NIBAN3: variants seen among roughly 807,000 people sequenced by gnomAD.
The protein encoded by NIBAN3 is niban apoptosis regulator 3.
NIBAN3 carries 66 observed loss-of-function variants against 76.4 expected under a neutral mutation model. The observed-to-expected ratio is 0.86, with a 90% CI of 0.71 to 1.06. The LOEUF is 1.06. Among genes scored for constraint, NIBAN3 ranks in the 50% least tolerant of loss-of-function variants. NIBAN3 has a pLI of 0.00. For missense variants in NIBAN3, 808 were observed against 810.7 expected (o/e 1.00, Z 0.04); for synonymous variants, 360 against 355.2 (o/e 1.01, Z -0.15).
chr19:17,548,593 A>G (rs2144778514), intron 13 of NIBAN3, among the ~76,000 whole-genome samples: 1 of 152,206 alleles, frequency 6.6e-6, no homozygotes, highest in South Asian at 2.1e-4. Context: ...AATCTCAAAG[A>G]GCCCTCATTT....
intron 12 of NIBAN3, among the ~76,000 whole-genome samples, chr19:17,544,866 T>C (rs2076020523): frequency 6.6e-6 from 1 of 152,096 alleles, no homozygotes; most frequent in African/African-American, 2.4e-5. Context: ...GCCTAATTAA[T>C]CCCATGAATC....
chr19:17,549,784 G>A (rs1300139653), intron 14 of NIBAN3: 1 of 555,350 alleles, frequency 1.8e-6, no homozygotes, highest in Non-Finnish European at 3.2e-6. Flanking sequence ...GGGGGGCTGA[G>A]ATTGTGGTGA....
intron 2 of NIBAN3, among the ~76,000 whole-genome samples, chr19:17,531,814 G>A (rs1008851289): frequency 3.3e-5 from 5 of 152,164 alleles, no homozygotes; most frequent in Admixed American, 6.6e-5. Context: ...GATTACAAGC[G>A]TGAGCGCCTG....
chr19:17,553,700 C>T, downstream of NIBAN3: 1 of 751,410 alleles, frequency 1.3e-6, no homozygotes, highest in East Asian at 2.5e-5. Context: ...AATTCTGGAA[C>T]AATTGCAGCT....
chr19:17,523,720 C>T (rs2075579092), upstream of NIBAN3, among the ~76,000 whole-genome samples: 1 of 152,156 alleles, frequency 6.6e-6, no homozygotes, highest in Non-Finnish European at 1.5e-5. Flanking sequence ...GCCCCTTTCA[C>T]CTCTCCCTCT....
At chr19:17,535,564 A>G (rs1437581326) in intron 4 of NIBAN3, among the ~76,000 whole-genome samples, 1 of 152,194 alleles carries the variant, frequency 6.6e-6, no homozygotes, top group Non-Finnish European at 1.5e-5. Flanking sequence ...CCTGGCCAAC[A>G]TGGCGAAACC....
chr19:17,550,944 G>C (rs2076145229), intron 14 of NIBAN3, among the ~76,000 whole-genome samples: 1 of 142,804 alleles, frequency 7.0e-6, no homozygotes, highest in African/African-American at 2.6e-5. Context: ...CATTTCAACA[G>C]AGGGCTGTCC....
At chr19:17,536,431 C>T (rs145241787) in intron 4 of NIBAN3, among the ~76,000 whole-genome samples, 6 of 152,182 alleles carry the variant, frequency 3.9e-5, no homozygotes, top group East Asian at 1.9e-4. Context: ...TCACGTGATC[C>T]GCCTGCCTCA....
chr19:17,533,945 A>AAAACAAAC (rs370655406), intron 4 of NIBAN3, among the ~76,000 whole-genome samples: 1 of 152,080 alleles, frequency 6.6e-6, no homozygotes, highest in African/African-American at 2.4e-5. Flanking sequence ...CCTACTCTGG[A>AAAACAAAC]AAACAAACAA....
Position 17,534,619 on chromosome 19 carries a change from A to G in NIBAN3, c.427+918A>G, listed in dbSNP as rs371509074. 1.2e-4 allele frequency among the ~76,000 whole-genome samples: 19 copies of G among 152,200 alleles called. No homozygotes were observed. The South Asian group carries it at 1.9e-3, about 15-fold the overall frequency. ...ATCCTGGCTAACATGGTGAAACCCC[A>G]TCTCTACTAAAAATACAAAAAATTA... On this transcript the variant is annotated intron_variant, in intron 4 of 14. Transcript: ENST00000599164.
chr19:17,546,797 G>A lies in NIBAN3; in HGVS notation c.1666G>A (p.Glu556Lys). The A allele has an allele frequency of 6.3e-7, 1 of 1,590,414 alleles. No homozygotes were observed. The highest frequency in any genetic ancestry group is 8.6e-7 in the Non-Finnish European group (1 of 1,169,374). ...GTGCTTGCTGCAGAGGATTGACCAAGGTGAGTCCCGCCCTGCCATGGCTCA... is the reference window on the plus strand; with the variant it reads ...GTGCTTGCTGCAGAGGATTGACCAAAGTGAGTCCCGCCCTGCCATGGCTCA... ...RGCLLQRIDQ[E>K]LKKTLGANDV... The change falls in exon 13 of 15, where the codon GAA becomes AAA. Residue 556 changes from glutamate (E) to lysine (K), a missense_variant and splice_region_variant. Transcript: ENST00000599164.
intron 12 of NIBAN3, 92 bp from the exon 13 acceptor site, chr19:17,546,594 A>T (rs2076059065): frequency 1.5e-6 from 2 of 1,321,342 alleles, no homozygotes; most frequent in Non-Finnish European, 9.7e-7. Context: ...CCCCACAGCT[A>T]ATCAGGCCCA....
Position 17,553,150 on chromosome 19 carries a change from G to T in NIBAN3, c.*1252G>T. 5.2e-6 allele frequency: 5 copies of T among 959,504 alleles called. No homozygotes were observed. Among genetic ancestry groups the T allele is most frequent in the South Asian group, 2.0e-5 (1 of 49,652 alleles). The allele number at this position is 959,504 out of a possible 1,614,324, so 59.4% of individuals were successfully genotyped here. A position where few individuals can be genotyped will look rare whatever the true frequency, so the allele number is the denominator to read the frequency against. ...TTTTTTTTTTTAATTTCAGTGAATTGCCTGTTCATAGCTTTTTTCTACTTT... is the reference window on the plus strand; with the variant it reads ...TTTTTTTTTTTAATTTCAGTGAATTTCCTGTTCATAGCTTTTTTCTACTTT... On this transcript the variant is annotated 3_prime_UTR_variant, in exon 15 of 15. Transcript: ENST00000599164.
chr19:17,526,206 G>A (rs1019567280), upstream of NIBAN3, among the ~76,000 whole-genome samples: 5 of 151,396 alleles, frequency 3.3e-5, no homozygotes, highest in South Asian at 2.1e-4. Context: ...CCAGCTACTC[G>A]GGAGGCTGAG....
intron 12 of NIBAN3, chr19:17,545,609 C>A: frequency 6.2e-6 from 1 of 161,298 alleles, no homozygotes; most frequent in Non-Finnish European, 1.4e-5. Flanking sequence ...GGTCATGTGT[C>A]CACTGGACAG....
intron 9 of NIBAN3, among the ~76,000 whole-genome samples, chr19:17,541,214 AATACATACATACATATATACATACATAC>A (rs1568456462): frequency 6.9e-6 from 1 of 145,280 alleles, no homozygotes; most frequent in African/African-American, 2.6e-5. Context: ...TAGCACCTAA[AATACATACATACATATATACATACATAC>A]ATACATACAT....
chr19:17,527,263 A>T, upstream of NIBAN3: 1 of 1,550,264 alleles, frequency 6.5e-7, no homozygotes, highest in Non-Finnish European at 8.7e-7. Flanking sequence ...CTCACCCGCC[A>T]TCCAGGTGCC....
intron 4 of NIBAN3, among the ~76,000 whole-genome samples, chr19:17,534,242 C>T (rs1158267935): frequency 3.3e-5 from 5 of 152,138 alleles, no homozygotes; most frequent in African/African-American, 1.2e-4. Context: ...AGGCTGGGCA[C>T]GGTGGCTCAT....
At position 17,539,374 on chromosome 19, in the gene NIBAN3, C is replaced by A; in HGVS notation, c.739C>A (p.Gln247Lys). The change falls in exon 7 of 15, where the codon CAA becomes AAA. Residue 247 changes from glutamine (Q) to lysine (K), a missense_variant. By Grantham distance (53) the Gln-to-Lys change is moderately conservative. Transcript: ENST00000599164. ...EVLTAVLMRE[Q>K]LPALRAQTLP... ...GCTGACCGCGGTGCTGATGCGGGAG[C>A]AACTTCCCGCGCTGCGAGCCCAGAC... 1 of 1,542,602 alleles carries A rather than the reference C, an allele frequency of 6.5e-7. No homozygotes were observed. The highest frequency in any genetic ancestry group is 2.4e-5 in the East Asian group (1 of 41,046).
Sources: allele counts gnomAD v4.1 joint callset (sites outside exome capture counted in the v4.1 genomes callset), GRCh38; gene constraint gnomAD v4.1.1; transcripts MANE v1.5; gene names NCBI Gene and HGNC (gene_info 2026-07-23, HGNC 2026-07-21).